Variants in ADAMTS6 observed in about 807,000 individuals in gnomAD.
ADAMTS6 encodes ADAM metallopeptidase with thrombospondin type 1 motif 6, also known as A disintegrin and metalloproteinase with thrombospondin motifs 6.
Under a neutral mutation model 144.3 loss-of-function variants are expected in ADAMTS6, and 23 were observed. The ratio of observed to expected loss-of-function variants is 0.16; its 90% CI spans 0.11 to 0.23. ADAMTS6 has a LOEUF of 0.23. Among genes scored for constraint, ADAMTS6 ranks in the 10% least tolerant of loss-of-function variants. ADAMTS6 has a pLI of 1.00. For synonymous variants in ADAMTS6, 444 were observed against 457.5 expected, an observed-to-expected ratio of 0.97 and a Z score of 0.38; for missense variants, 999 against 1,379.6, an observed-to-expected ratio of 0.72 and a Z score of 4.37.
intron 1 of ADAMTS6, among the ~76,000 whole-genome samples, chr5:65,480,563 G>C (rs1761133392): frequency 6.6e-6 from 1 of 152,008 alleles, no homozygotes; most frequent in Non-Finnish European, 1.5e-5. Flanking sequence ...TCAATCTCTC[G>C]CTCACTTTTC....
chr5:65,166,833 A>G (rs1451925884), intron 24 of ADAMTS6, among the ~76,000 whole-genome samples: 1 of 93,024 alleles, frequency 1.1e-5, no homozygotes, highest in East Asian at 2.9e-4. Flanking sequence ...TTTGAAACCA[A>G]CGAGAACAAA....
At chr5:65,453,651 G>T (rs1758937996) in intron 4 of ADAMTS6, among the ~76,000 whole-genome samples, 1 of 152,132 alleles carries the variant, frequency 6.6e-6, no homozygotes, top group African/African-American at 2.4e-5. Flanking sequence ...CAGTATAGAA[G>T]CAGCCTTTTA....
intron 22 of ADAMTS6, among the ~76,000 whole-genome samples, chr5:65,186,536 C>A (rs1305610245): frequency 6.6e-6 from 1 of 152,190 alleles, no homozygotes; most frequent in East Asian, 1.9e-4. Context: ...TAACAAATTT[C>A]TCATACCAAT....
At chr5:65,224,435 T>G (rs1318685646) in intron 17 of ADAMTS6, 35 bp from the exon 18 acceptor site, 2 of 1,573,224 alleles carry the variant, frequency 1.3e-6, no homozygotes, top group African/African-American at 2.7e-5. Context: ...TTAAGCAGCC[T>G]TGGTCAGGAA....
intron 7 of ADAMTS6, among the ~76,000 whole-genome samples, chr5:65,344,933 A>G (rs568619656): frequency 1.1e-4 from 16 of 151,968 alleles, no homozygotes; most frequent in African/African-American, 3.9e-4. Flanking sequence ...TCCTGAAGGA[A>G]ATGTTTCCTA....
chr5:65,222,864 G>A (rs192909853), intron 18 of ADAMTS6, among the ~76,000 whole-genome samples: 68 of 151,762 alleles, frequency 4.5e-4, no homozygotes, highest in Admixed American at 4.3e-3. Flanking sequence ...TTAATAAATT[G>A]AATTTCATCA....
At chr5:65,321,202 A>G (rs374634143) in intron 9 of ADAMTS6, among the ~76,000 whole-genome samples, 140 of 152,208 alleles carry the variant, frequency 9.2e-4, no homozygotes, top group South Asian at 8.1e-3. Context: ...CCACAACCTC[A>G]CCAGCATCGG....
intron 11 of ADAMTS6, among the ~76,000 whole-genome samples, chr5:65,291,018 G>A (rs1742249693): frequency 6.6e-6 from 1 of 151,986 alleles, no homozygotes; most frequent in Non-Finnish European, 1.5e-5. Flanking sequence ...GGATTTTAAA[G>A]CCATAACATT....
intron 21 of ADAMTS6, among the ~76,000 whole-genome samples, chr5:65,196,227 T>C (rs1374276363): frequency 6.6e-6 from 1 of 152,196 alleles, no homozygotes; most frequent in Non-Finnish European, 1.5e-5. Flanking sequence ...AGAGTATTTC[T>C]AAACCATTTT....
intron 7 of ADAMTS6, among the ~76,000 whole-genome samples, chr5:65,353,077 T>C (rs1301214409): frequency 6.6e-6 from 1 of 152,018 alleles, no homozygotes; most frequent in African/African-American, 2.4e-5. Context: ...TATAGGTAAA[T>C]ACGTACATTC....
chr5:65,341,096 C>T lies in ADAMTS6; in HGVS notation c.1074-7011G>A, dbSNP rs565057413. ...CAAACGTATGAAATTAAACAACATG[C>T]TCCTGAATAACAAATGGATGAAGGA... is the stretch of plus-strand genomic sequence containing the variant. On this transcript the variant is annotated intron_variant, in intron 7 of 24. Transcript: ENST00000381055. Among the ~76,000 whole-genome samples, 111 of 151,976 alleles carry T rather than the reference C, an allele frequency of 7.3e-4. 1 individual carries two copies. Among genetic ancestry groups the T allele is most frequent in the Admixed American group, 3.1e-3 (47 of 15,252 alleles).
At chr5:65,458,904 G>A (rs1759431354) in intron 4 of ADAMTS6, among the ~76,000 whole-genome samples, 6 of 152,168 alleles carry the variant, frequency 3.9e-5, no homozygotes, top group Admixed American at 3.9e-4. Flanking sequence ...CAATTTGATT[G>A]GGTAACTAGT....
chr5:65,164,448 TG>T (rs1382550728), intron 24 of ADAMTS6, among the ~76,000 whole-genome samples: 4 of 145,256 alleles, frequency 2.8e-5, no homozygotes, highest in African/African-American at 1.0e-4. Context: ...GCAGCGAGGC[TG>T]GGGGAGGGGC....
intron 7 of ADAMTS6, among the ~76,000 whole-genome samples, chr5:65,393,335 T>G (rs1753078577): frequency 6.6e-6 from 1 of 152,210 alleles, no homozygotes. Context: ...TTTAACATAA[T>G]CCTTCCATGA....
At chr5:65,233,444 G>T (rs1758413496) in intron 15 of ADAMTS6, among the ~76,000 whole-genome samples, 1 of 151,604 alleles carries the variant, frequency 6.6e-6, no homozygotes, top group South Asian at 2.1e-4. Flanking sequence ...AACCCTAAAG[G>T]CTCCACCAAA....
intron 11 of ADAMTS6, among the ~76,000 whole-genome samples, chr5:65,285,685 T>A (rs1045436419): frequency 6.6e-6 from 1 of 152,058 alleles, no homozygotes; most frequent in African/African-American, 2.4e-5. Flanking sequence ...ATAGATAGTA[T>A]GTCAGGAAAT....
intron 8 of ADAMTS6, among the ~76,000 whole-genome samples, chr5:65,331,953 T>C (rs16893695): frequency 0.045 from 6,837 of 151,858 alleles, 296 homozygotes; most frequent in African/African-American, 0.11. Context: ...TGAAAGTGCA[T>C]TGACACATAC....
At chr5:65,203,589 G>A (rs1755882640) in intron 20 of ADAMTS6, among the ~76,000 whole-genome samples, 1 of 152,070 alleles carries the variant, frequency 6.6e-6, no homozygotes, top group East Asian at 1.9e-4. Context: ...TCCCTTTCTA[G>A]GAACCAAATC....
chr5:65,261,516 T>A (rs1214072936), intron 13 of ADAMTS6, among the ~76,000 whole-genome samples: 1 of 152,236 alleles, frequency 6.6e-6, no homozygotes, highest in Non-Finnish European at 1.5e-5. Context: ...ACGTTAGTTA[T>A]TCTGTAATTT....
Sources: allele counts gnomAD v4.1 joint callset (sites outside exome capture counted in the v4.1 genomes callset), GRCh38; gene constraint gnomAD v4.1.1; transcripts MANE v1.5; gene names NCBI Gene and HGNC (gene_info 2026-07-23, HGNC 2026-07-21).